Variants in ELF4 observed in about 807,000 individuals in gnomAD.
ELF4 encodes the protein ETS-related transcription factor Elf-4.
Under a neutral mutation model 31.7 loss-of-function variants are expected in ELF4, and 10 were observed. The observed-to-expected ratio is 0.32, with a 90% confidence interval of 0.19 to 0.54. The LOEUF (loss-of-function observed/expected upper bound fraction) is 0.54. Among genes scored for constraint, ELF4 ranks in the 20% least tolerant of loss-of-function variants. The pLI, the probability that ELF4 is intolerant of heterozygous loss-of-function variation, is 0.95. For missense variants in ELF4, 418 were observed against 522.0 expected (o/e 0.80, Z 1.94); for synonymous variants, 208 against 226.7 (o/e 0.92, Z 0.74).
intron 1 of ELF4, among the ~76,000 whole-genome samples, chrX:130,100,924 G>C (rs1933242158): frequency 8.9e-6 from 1 of 112,192 alleles, no homozygotes; most frequent in Non-Finnish European, 1.9e-5. Flanking sequence ...TACAGACTAG[G>C]GGTAAGGTAG....
chrX:130,069,508 T>C lies in ELF4; in HGVS notation c.979A>G (p.Thr327Ala). The change falls in exon 8 of 9, where the codon ACC (threonine) becomes GCC (alanine). Residue 327 changes from threonine to alanine, a missense_variant. This residue lies in a region of ELF4 where 260 missense variants were observed against 269.2 expected (regional missense o/e 0.97). Transcript: ENST00000308167. ...GAGACCCTGGAGCTGGTTCGCCGGG[T>C]GGTACTGGCAGAGGCCACAGAGGCC... ...STASVASASTTRRTSSRVSSR... is the reference protein window; with the variant it reads ...STASVASASTARRTSSRVSSR... 5 of 1,211,992 alleles carry C rather than the reference T, an allele frequency of 4.1e-6. No individual in the cohort carries two copies. The highest frequency in any genetic ancestry group is 5.6e-6 in the Non-Finnish European group (5 of 895,492).
At chrX:130,108,152 G>A (rs1469106041) in intron 1 of ELF4, among the ~76,000 whole-genome samples, 1 of 109,654 alleles carries the variant, frequency 9.1e-6, no homozygotes. Flanking sequence ...AGGTTGCGGC[G>A]AGCCAAGATC....
At chrX:130,087,266 C>T (rs965893279) in intron 1 of ELF4, among the ~76,000 whole-genome samples, 1 of 112,050 alleles carries the variant, frequency 8.9e-6, no homozygotes, top group Non-Finnish European at 1.9e-5. Context: ...CCCAGTATAA[C>T]GGTCTGCCAG....
chrX:130,074,039 T>A lies in ELF4; in HGVS notation c.340+10A>T. On this transcript the variant is annotated intron_variant, in intron 4 of 8. Coordinates refer to ENST00000308167, the MANE Select transcript of ELF4 (RefSeq NM_001421.4). ...TTGCCTTGAGTTCAGGCACTGGGGT[T>A]CAAACTTACAGATCTGCTTCTCATC... is the stretch of plus-strand genomic sequence containing the variant. 8.3e-7 allele frequency: 1 copy of A among 1,210,267 alleles called. No individual in the cohort carries two copies. Among genetic ancestry groups the A allele is most frequent in the Non-Finnish European group, 1.1e-6 (1 of 894,071 alleles).
intron 1 of ELF4, among the ~76,000 whole-genome samples, chrX:130,082,407 G>A (rs934006414): frequency 8.9e-6 from 1 of 111,965 alleles, no homozygotes; most frequent in Non-Finnish European, 1.9e-5. Flanking sequence ...GTTTAGCTTT[G>A]CTTTCAGTTT....
In ELF4 at chrX:130,071,047, C is replaced by T; in HGVS notation, c.802G>A (p.Ala268Thr). The change falls in exon 7 of 9, where the codon GCA becomes ACA. Residue 268 changes from alanine (A) to threonine (T), a missense_variant. Physicochemically the swap from Ala to Thr is moderately conservative, Grantham distance 58. Transcript: ENST00000308167. ...CATCCCAACAGCTCCTACCTTAGTG[C>T]CCGCCCCATTGTCTCATAGTTCATG... ...PDMNYETMGR[A>T]LRYYYQRGIL... 8.3e-7 allele frequency: 1 copy of T among 1,211,840 alleles called. No homozygotes were observed. The highest frequency in any genetic ancestry group is 1.1e-6 in the Non-Finnish European group (1 of 895,535).
Position 130,081,413 on chromosome X carries a change from G to T in ELF4, c.-83C>A. ...TTTCTTGATGAAGGGACAATACCCA[G>T]GTACTTTGGAGCCTAGAGCCTACCC... On this transcript the variant is annotated 5_prime_UTR_variant, in exon 2 of 9. The change creates a new upstream start codon in the 5' untranslated region. Transcript: ENST00000308167. 4 of 1,012,026 alleles carry T rather than the reference G, an allele frequency of 4.0e-6. No homozygotes were observed. Among genetic ancestry groups the T allele is most frequent in the Non-Finnish European group, 5.6e-6 (4 of 715,841 alleles). The allele number at this position is 1,012,026 out of a possible 1,213,427, so 83.4% of individuals were successfully genotyped here.
intron 1 of ELF4, among the ~76,000 whole-genome samples, chrX:130,101,003 A>G (rs374310166): frequency 4.4e-5 from 5 of 112,388 alleles, no homozygotes; most frequent in African/African-American, 1.6e-4. Context: ...GGCCTCTGTT[A>G]GGGACAAGAT....
At position 130,069,495 on chromosome X, in the gene ELF4, C is replaced by T. The variant is rs757358216; in HGVS notation, c.992G>A (p.Ser331Asn). Residue 331 changes from serine to asparagine, a missense_variant, in exon 8 of 9, where the codon AGC (serine) becomes AAC (asparagine). Physicochemically the swap from Ser to Asn is conservative, Grantham distance 46. Transcript: ENST00000308167. ...GGCAGATCTGGATGAGACCCTGGAG[C>T]TGGTTCGCCGGGTGGTACTGGCAGA... ...VASASTTRRT[S>N]SRVSSRSAPQ... 8.2e-7 allele frequency: 1 copy of T among 1,212,420 alleles called. No individual in the cohort carries two copies. Among genetic ancestry groups the T allele is most frequent in the Admixed American group, 2.2e-5 (1 of 46,163 alleles).
chrX:130,111,249 C>A (rs1305018224), upstream of ELF4, among the ~76,000 whole-genome samples: 1 of 111,879 alleles, frequency 8.9e-6, no homozygotes, highest in African/African-American at 3.2e-5. Context: ...CAGCGAGACT[C>A]CGAGCTCTCT....
At position 130,066,954 on chromosome X, in the gene ELF4, C is replaced by T. The variant is rs1282874679; in HGVS notation, c.1759G>A (p.Gly587Ser). ...CCCAGAAGGCTCGGATTGTGGGAAC[C>T]CCTGGAAACCACCTGGGTTGGAAGT... ...QPLPTQVVSR[G>S]SHNPSLLGNQ... is the part of the protein sequence containing the mutation. The change falls in exon 9 of 9, where the codon GGT (glycine) becomes AGT (serine). Residue 587 changes from glycine (G) to serine (S), a missense_variant. Coordinates refer to ENST00000308167, the MANE Select transcript of ELF4 (RefSeq NM_001421.4). 3.3e-6 allele frequency: 4 copies of T among 1,212,044 alleles called. No individual in the cohort carries two copies. Among genetic ancestry groups the T allele is most frequent in the East Asian group, 3.0e-5 (1 of 33,833 alleles).
At position 130,093,006 on chromosome X, in the gene ELF4, T is replaced by TA. The variant is rs35937720; in HGVS notation, c.-209-11468dup. On this transcript the variant is annotated intron_variant, in intron 1 of 8. Transcript: ENST00000308167. ...AGGTTTCGAATCTTGAGAATACTGT[T>TA]AAAAAAAAAAAAAATCCACATATAG... Among the ~76,000 whole-genome samples the TA allele has an allele frequency of 7.3e-3, 745 of 102,166 alleles. 4 individuals carry two copies. Among genetic ancestry groups the TA allele is most frequent in the African/African-American group, 0.017 (486 of 28,183 alleles). 88.7% of individuals were successfully genotyped at this position (102,166 alleles called of 115,157 possible).
At chrX:130,083,836 A>ATGCATGGC (rs1556204266) in intron 1 of ELF4, among the ~76,000 whole-genome samples, 5 of 89,340 alleles carry the variant, frequency 5.6e-5, no homozygotes, top group African/African-American at 2.7e-4. Flanking sequence ...GGATGGCTGG[A>ATGCATGGC]TGGATGGATG....
At chrX:130,089,416 G>A (rs1032160258) in intron 1 of ELF4, among the ~76,000 whole-genome samples, 3 of 103,015 alleles carry the variant, frequency 2.9e-5, no homozygotes, top group African/African-American at 7.2e-5. Flanking sequence ...GGCTGAGGTG[G>A]GAGGATCGCT....
At position 130,089,690 on chromosome X, in the gene ELF4, G is replaced by A. The variant is rs193080508; in HGVS notation, c.-209-8151C>T. 5.6e-3 allele frequency among the ~76,000 whole-genome samples: 621 copies of A among 111,291 alleles called. 4 individuals carry two copies. Among genetic ancestry groups the A allele is most frequent in the African/African-American group, 0.019 (580 of 30,529 alleles). ...CAGCTAGTTGCACTGTGACTCCCAA[G>A]TGACTCTTCTTCCTTGCCTCCTTCC... is the stretch of plus-strand genomic sequence containing the variant. On this transcript the variant is annotated intron_variant, in intron 1 of 8. Transcript: ENST00000308167.
intron 8 of ELF4, 104 bp from the exon 9 acceptor site, chrX:130,067,629 A>G (rs1189708723): frequency 2.3e-6 from 2 of 886,018 alleles, no homozygotes; most frequent in East Asian, 6.4e-5. Context: ...TTGTCGATTT[A>G]TTTGCTGTTT....
chrX:130,079,542 G>C (rs965824417), intron 2 of ELF4, among the ~76,000 whole-genome samples: 3 of 111,722 alleles, frequency 2.7e-5, no homozygotes, highest in Non-Finnish European at 5.7e-5. Context: ...GGAGAGAACA[G>C]ATTAAGTACA....
At position 130,064,235 on chromosome X, in the gene ELF4, C is replaced by T. The variant is rs1240197147; in HGVS notation, c.*2486G>A. 1.8e-5 allele frequency among the ~76,000 whole-genome samples: 2 copies of T among 110,789 alleles called. No homozygotes were observed. The highest frequency in any genetic ancestry group is 9.6e-5 in the Admixed American group (1 of 10,370). On this transcript the variant is annotated 3_prime_UTR_variant, in exon 9 of 9. Coordinates refer to ENST00000308167, the MANE Select transcript of ELF4 (RefSeq NM_001421.4). Reference sequence around the variant, plus strand: ...GGTGGATCACCTGAGGCCAGGAGTTCGAGACCAGCCTGGCCGAAATGGTGA... The same window carrying T: ...GGTGGATCACCTGAGGCCAGGAGTTTGAGACCAGCCTGGCCGAAATGGTGA...
At position 130,075,188 on chromosome X, in the gene ELF4, C is replaced by T. The variant is rs567157178; in HGVS notation, c.76-436G>A. ...TTCATCATGTTGGCCAGGCTGGTCTCGAACTCCTGACCTCAGGTGATCCAC... is the reference window on the plus strand; with the variant it reads ...TTCATCATGTTGGCCAGGCTGGTCTTGAACTCCTGACCTCAGGTGATCCAC... On this transcript the variant is annotated intron_variant, in intron 2 of 8. Transcript: ENST00000308167. Among the ~76,000 whole-genome samples, 11 of 110,944 alleles carry T rather than the reference C, an allele frequency of 9.9e-5. No individual in the cohort carries two copies. In the South Asian group the frequency reaches 1.1e-3, roughly 11 times the overall value.
Sources: gnomAD v4.1 joint callset for allele counts (sites outside exome capture counted in the v4.1 genomes callset) on GRCh38, gnomAD v4.1.1 for gene constraint, gnomAD v4.1.1 regional missense constraint, MANE v1.5 for transcripts, NCBI Gene and HGNC (gene_info 2026-07-23, HGNC 2026-07-21) for gene names.